The following RAD23B variants were observed in gnomAD, a reference collection of about 807,000 sequenced individuals.
RAD23B encodes RAD23 nucleotide excision repair protein B.
Under a neutral mutation model 49.1 loss-of-function variants are expected in RAD23B, and 5 were observed. The observed-to-expected ratio is 0.10, with a 90% CI of 0.05 to 0.21. The LOEUF (loss-of-function observed/expected upper bound fraction) is 0.21, where lower values mean the gene tolerates loss of function less well. Among genes scored for constraint, RAD23B ranks in the 10% least tolerant of loss-of-function variants. RAD23B has a pLI of 1.00. For synonymous variants in RAD23B, 184 were observed against 165.4 expected (o/e 1.11, Z -0.86); for missense variants, 356 against 486.7 (o/e 0.73, Z 2.53).
intron 4 of RAD23B, among the ~76,000 whole-genome samples, chr9:107,308,507 C>T (rs1313526644): frequency 1.3e-5 from 2 of 152,240 alleles, no homozygotes; most frequent in Non-Finnish European, 1.5e-5. Flanking sequence ...GCATGAGCCA[C>T]CATGCCCAGC....
intron 8 of RAD23B, 71 bp downstream of exon 8, chr9:107,324,088 C>A: frequency 6.8e-7 from 1 of 1,476,162 alleles, no homozygotes. Context: ...ATGAACGGTC[C>A]TTCCCCTCCT....
At position 107,330,410 on chromosome 9, in the gene RAD23B, T is replaced by G. The variant is rs1440406589; in HGVS notation, c.*754T>G. 6.6e-6 allele frequency: 1 copy of G among 152,662 alleles called. No homozygotes were observed. Among genetic ancestry groups the G allele is most frequent in the East Asian group, 1.9e-4 (1 of 5,206 alleles). 9.5% of individuals were successfully genotyped at this position (152,662 alleles called of 1,614,324 possible). A position where few individuals can be genotyped will look rare whatever the true frequency, so the allele number is the denominator to read the frequency against. On this transcript the variant is annotated 3_prime_UTR_variant, in exon 10 of 10. Transcript: ENST00000358015. This position sits in a 1 kb window ranked among gnomAD's most constrained non-coding sequence, Gnocchi z 4.4. ...AATTGGTAGGTGTCTAATTACTGTT[T>G]ACTTCATTGTTATATTGCAGTAAAA... is the stretch of plus-strand genomic sequence containing the variant.
At chr9:107,313,592 G>C (rs1826931961) in intron 5 of RAD23B, among the ~76,000 whole-genome samples, 1 of 152,124 alleles carries the variant, frequency 6.6e-6, no homozygotes, top group South Asian at 2.1e-4. Context: ...CTAGGTCATA[G>C]TTCAAAGTTT....
chr9:107,292,482 C>G (rs981433914), intron 1 of RAD23B, among the ~76,000 whole-genome samples: 4 of 151,940 alleles, frequency 2.6e-5, no homozygotes, highest in African/African-American at 9.7e-5. Context: ...AGTTCGAGAC[C>G]CTCCTGGCCA....
intron 2 of RAD23B, among the ~76,000 whole-genome samples, chr9:107,300,920 G>C (rs1826638103): frequency 6.6e-6 from 1 of 152,144 alleles, no homozygotes; most frequent in South Asian, 2.1e-4. Context: ...CTAACCTGGT[G>C]ATTCAGTCCC....
At chr9:107,319,067 A>G (rs528344025) in intron 6 of RAD23B, among the ~76,000 whole-genome samples, 188 bp downstream of exon 6, 2 of 151,150 alleles carry the variant, frequency 1.3e-5, no homozygotes, top group East Asian at 1.9e-4. Flanking sequence ...ATGGTCCAAC[A>G]TTGTAGTAGC....
At chr9:107,324,690 C>G in intron 8 of RAD23B, 144 bp from the exon 9 acceptor site, 1 of 762,854 alleles carries the variant, frequency 1.3e-6, no homozygotes, top group East Asian at 3.4e-5. Flanking sequence ...AAATCACATC[C>G]TTCCAAAGAC....
chr9:107,328,506 C>G (rs1827250856), intron 9 of RAD23B, among the ~76,000 whole-genome samples: 2 of 152,172 alleles, frequency 1.3e-5, no homozygotes, highest in South Asian at 2.1e-4. Context: ...CTAGATCCCT[C>G]TCATGCACAG....
At chr9:107,328,147 T>TATC (rs1370284595) in intron 9 of RAD23B, among the ~76,000 whole-genome samples, 1 of 152,236 alleles carries the variant, frequency 6.6e-6, no homozygotes, top group Non-Finnish European at 1.5e-5. Context: ...AGCTTTAATC[T>TATC]GGATAAAACC....
chr9:107,296,008 T>C (rs1174565895), intron 1 of RAD23B, among the ~76,000 whole-genome samples: 1 of 152,342 alleles, frequency 6.6e-6, no homozygotes, highest in East Asian at 1.9e-4. Context: ...GCAAGTATAG[T>C]GAACAGTTAA....
At chr9:107,306,326 T>G (rs1013096503) in intron 3 of RAD23B, 53 bp from the exon 4 acceptor site, 9 of 1,541,296 alleles carry the variant, frequency 5.8e-6, no homozygotes, top group Non-Finnish European at 8.0e-6. Flanking sequence ...TAATTAGAGA[T>G]CAGGCAGTAT....
intron 3 of RAD23B, among the ~76,000 whole-genome samples, chr9:107,304,906 G>T (rs903891738): frequency 2.0e-5 from 3 of 152,106 alleles, no homozygotes; most frequent in African/African-American, 7.2e-5. Flanking sequence ...TTGACCAGAA[G>T]CCTTACTGAT....
intron 1 of RAD23B, among the ~76,000 whole-genome samples, chr9:107,293,272 T>G (rs1384237556): frequency 6.6e-6 from 1 of 152,236 alleles, no homozygotes; most frequent in East Asian, 1.9e-4. Context: ...TATCTTACTG[T>G]TCTTGTGGAC....
intron 3 of RAD23B, among the ~76,000 whole-genome samples, chr9:107,303,274 T>G (rs549330762): frequency 3.3e-5 from 5 of 152,274 alleles, no homozygotes; most frequent in Non-Finnish European, 5.9e-5. Context: ...TAAATGTGGG[T>G]TTTTTCTCAA....
At chr9:107,313,743 G>A (rs949967724) in intron 5 of RAD23B, among the ~76,000 whole-genome samples, 2 of 152,090 alleles carry the variant, frequency 1.3e-5, no homozygotes, top group African/African-American at 4.8e-5. Flanking sequence ...ATGACTTCAG[G>A]TTTCAAACTG....
intron 1 of RAD23B, among the ~76,000 whole-genome samples, chr9:107,290,428 GCCCTATTT>G (rs1276707460): frequency 6.6e-6 from 1 of 152,098 alleles, no homozygotes; most frequent in Non-Finnish European, 1.5e-5. Flanking sequence ...TTTAGCTGCT[GCCCTATTT>G]CCCTGCTTCT....
At chr9:107,300,074 A>G in intron 1 of RAD23B, 67 bp from the exon 2 acceptor site, 1 of 1,547,688 alleles carries the variant, frequency 6.5e-7, no homozygotes, top group Non-Finnish European at 8.7e-7. Flanking sequence ...TCCATTATTT[A>G]TTCAGATTCT....
intron 7 of RAD23B, among the ~76,000 whole-genome samples, chr9:107,323,685 C>T (rs1827149381): frequency 6.6e-6 from 1 of 152,116 alleles, no homozygotes; most frequent in Admixed American, 6.6e-5. Context: ...CACTCCCTGC[C>T]TTTGCTAATA....
Position 107,306,045 on chromosome 9 carries a change from T to TTTTATATATATA in RAD23B, c.229-333_229-332insTTATATATATAT, listed in dbSNP as rs59336314. On this transcript the variant is annotated intron_variant, in intron 3 of 9. Coordinates refer to ENST00000358015, the MANE Select transcript of RAD23B (RefSeq NM_002874.5). ...AGTTTTTTTGGGAAAATGATACGGT[T>TTTTATATATATA]TATATCTATATATATATATATATAT... Among the ~76,000 whole-genome samples, 51 of 26,782 alleles carry TTTTATATATATA rather than the reference T, an allele frequency of 1.9e-3. 1 individual carries two copies. The highest frequency in any genetic ancestry group is 6.3e-3 in the African/African-American group (49 of 7,802). 17.6% of individuals were successfully genotyped at this position (26,782 alleles called of 152,430 possible).
Sources: gnomAD v4.1 joint callset for allele counts (sites outside exome capture counted in the v4.1 genomes callset) on GRCh38, gnomAD v4.1.1 for gene constraint, Gnocchi (gnomAD v3.1) non-coding constraint, MANE v1.5 for transcripts, NCBI Gene and HGNC (gene_info 2026-07-23, HGNC 2026-07-21) for gene names.